Variants in FCHO1 observed in about 807,000 individuals in gnomAD.
The protein encoded by FCHO1 is F-BAR domain only protein 1.
A neutral mutation model predicts 114.4 loss-of-function variants in FCHO1; 45 were observed. The observed-to-expected ratio is 0.39, with a 90% CI of 0.31 to 0.50. FCHO1 has a LOEUF of 0.50. Ranked by LOEUF, FCHO1 falls within the 20% of genes least tolerant of loss-of-function variation. The pLI is 0.77. For synonymous variants in FCHO1, 480 were observed against 488.9 expected, an observed-to-expected ratio of 0.98 and a Z score of 0.24; for missense variants, 1,042 against 1,209.6, an observed-to-expected ratio of 0.86 and a Z score of 2.06.
At chr19:17,787,937 A>C in intron 28 of FCHO1, 91 bp downstream of exon 28, 1 of 1,450,458 alleles carries the variant, frequency 6.9e-7, no homozygotes, top group Non-Finnish European at 9.3e-7. Context: ...GGGTGTGGGG[A>C]TCCTTGGGAA....
chr19:17,784,629 G>GCGTGCAT lies in FCHO1; in HGVS notation c.2227-93_2227-87dup, dbSNP rs2093710680. The GCGTGCAT allele has an allele frequency of 8.5e-7, 1 of 1,172,110 alleles. No homozygotes were observed. Among genetic ancestry groups the GCGTGCAT allele is most frequent in the Non-Finnish European group, 1.3e-6 (1 of 786,942 alleles). The allele number at this position is 1,172,110 out of a possible 1,614,324, so 72.6% of individuals were successfully genotyped here. A position where few individuals can be genotyped will look rare whatever the true frequency, so the allele number is the denominator to read the frequency against. On this transcript the variant is annotated intron_variant, in intron 25 of 28. Coordinates refer to ENST00000596536, the MANE Select transcript of FCHO1 (RefSeq NM_015122.3). This position sits in a 1 kb window ranked among gnomAD's most constrained non-coding sequence, Gnocchi z 5.3. Reference sequence around the variant, plus strand: ...TGTGACTGGACCCCCTTGGGGCGGTGCGTGCATCGCAGGGTCAAGGTGGTT... The same window carrying GCGTGCAT: ...TGTGACTGGACCCCCTTGGGGCGGTGCGTGCATCGTGCATCGCAGGGTCAAGGTGGTT...
Position 17,770,783 on chromosome 19 carries a change from G to A in FCHO1, c.490-9G>A, listed in dbSNP as rs766733403. On this transcript the variant is annotated splice_polypyrimidine_tract_variant and intron_variant, in intron 8 of 28. Coordinates refer to ENST00000596536, the MANE Select transcript of FCHO1 (RefSeq NM_015122.3). ...CCTCCCATCCCCGTTTCCTCCCTGT[G>A]CTTTGTAGGCGGAGACTAAAACCAA... The A allele has an allele frequency of 6.2e-7, 1 of 1,613,958 alleles. No homozygotes were observed.
At position 17,755,183 on chromosome 19, in the gene FCHO1, C is replaced by G. The variant is rs1213387217; in HGVS notation, c.19C>G (p.His7Asp). Residue 7 changes from histidine to aspartate, a missense_variant, in exon 4 of 29, where the codon CAT becomes GAT. Coordinates refer to ENST00000596536, the MANE Select transcript of FCHO1 (RefSeq NM_015122.3). MSYFGE[H>D]FWGEKNHGFE... The stretch of plus-strand genomic sequence containing the variant: ...CATCAGGATGTCGTATTTTGGGGAG[C>G]ATTTTTGGGTAAGACCCACTCTTAT... 1 of 1,609,980 alleles carries G rather than the reference C, an allele frequency of 6.2e-7. No individual in the cohort carries two copies. The highest frequency in any genetic ancestry group is 1.7e-5 in the Admixed American group (1 of 59,110).
chr19:17,757,459 C>T (rs1251757261), intron 4 of FCHO1, among the ~76,000 whole-genome samples: 1 of 152,166 alleles, frequency 6.6e-6, no homozygotes, highest in Non-Finnish European at 1.5e-5. Context: ...GTGCCAGCCT[C>T]ATCCCAGCAA....
chr19:17,782,264 G>A (rs932270933), intron 23 of FCHO1, among the ~76,000 whole-genome samples: 5 of 151,968 alleles, frequency 3.3e-5, no homozygotes, highest in Admixed American at 1.3e-4. Flanking sequence ...GTGTAGTGGC[G>A]TGATCTCAGT....
intron 6 of FCHO1, among the ~76,000 whole-genome samples, chr19:17,765,774 C>T (rs1412180279): frequency 2.0e-5 from 3 of 151,314 alleles, no homozygotes; most frequent in African/African-American, 4.9e-5. Flanking sequence ...GTGGGGCAGG[C>T]AGAAGTGGAG....
intron 26 of FCHO1, among the ~76,000 whole-genome samples, chr19:17,786,283 A>G (rs2093881861): frequency 6.6e-6 from 1 of 152,170 alleles, no homozygotes; most frequent in South Asian, 2.1e-4. Flanking sequence ...CAGTGAGCAG[A>G]GATCGCACCA....
chr19:17,755,080 G>C (rs1650445885), intron 3 of FCHO1, 38 bp from the exon 4 acceptor site: 11 of 1,333,194 alleles, frequency 8.3e-6, no homozygotes, highest in Non-Finnish European at 1.1e-5. Context: ...GCCCACACTG[G>C]CAATGACTCT....
At chr19:17,770,236 G>A (rs1273676419) in intron 7 of FCHO1, among the ~76,000 whole-genome samples, 189 bp from the exon 8 acceptor site, 2 of 152,188 alleles carry the variant, frequency 1.3e-5, no homozygotes, top group Admixed American at 6.5e-5. Context: ...GGGAGGCAGA[G>A]ATTGCAGTGA....
chr19:17,773,261 T>C (rs2092020402), intron 11 of FCHO1, among the ~76,000 whole-genome samples: 1 of 152,216 alleles, frequency 6.6e-6, no homozygotes, highest in Admixed American at 6.5e-5. Context: ...TGCTTTGACT[T>C]CTCTGAGCCT....
intron 4 of FCHO1, 158 bp from the exon 5 acceptor site, chr19:17,762,604 C>A: frequency 1.4e-6 from 1 of 698,040 alleles, no homozygotes. Context: ...TAGACAATCC[C>A]TATGGCCCAG....
upstream of FCHO1, among the ~76,000 whole-genome samples, chr19:17,749,047 C>G (rs959195295): frequency 1.3e-5 from 2 of 152,160 alleles, no homozygotes; most frequent in African/African-American, 4.8e-5. Flanking sequence ...TAGGACCAAG[C>G]TGCAATGGCT....
intron 24 of FCHO1, among the ~76,000 whole-genome samples, chr19:17,783,583 A>G (rs1347323768): frequency 3.4e-5 from 4 of 119,152 alleles, no homozygotes; most frequent in South Asian, 2.6e-4. Context: ...TTTTTTTTTT[A>G]ATTATTATTT....
At chr19:17,756,879 C>G (rs1040417011) in intron 4 of FCHO1, among the ~76,000 whole-genome samples, 2 of 152,064 alleles carry the variant, frequency 1.3e-5, no homozygotes, top group Non-Finnish European at 2.9e-5. Flanking sequence ...GGGACATAAA[C>G]AAGCTCTGTT....
intron 6 of FCHO1, 32 bp from the exon 7 acceptor site, chr19:17,766,637 T>A (rs918272926): frequency 1.2e-6 from 2 of 1,613,126 alleles, no homozygotes; most frequent in Non-Finnish European, 1.7e-6. Flanking sequence ...GTGAGCCTGA[T>A]GAACCCTGGG....
At position 17,775,573 on chromosome 19, in the gene FCHO1, A is replaced by G; in HGVS notation, c.1003+60A>G. 1 of 1,458,660 alleles carries G rather than the reference A, an allele frequency of 6.9e-7. No homozygotes were observed. Among genetic ancestry groups the G allele is most frequent in the South Asian group, 1.1e-5 (1 of 87,942 alleles). The allele number at this position is 1,458,660 out of a possible 1,614,324, so 90.4% of individuals were successfully genotyped here. A position where few individuals can be genotyped will look rare whatever the true frequency, so the allele number is the denominator to read the frequency against. On this transcript the variant is annotated intron_variant, in intron 15 of 28. Transcript: ENST00000596536. This position sits in a 1 kb window ranked among gnomAD's most constrained non-coding sequence, Gnocchi z 5.1. ...GCACAGCAAGGACAAAATTCTCCGT[A>G]ATAACCAGTCCACCTTCAGCAGTCC...
chr19:17,770,620 C>G (rs556530863), intron 8 of FCHO1, 43 bp downstream of exon 8: 1 of 1,591,896 alleles, frequency 6.3e-7, no homozygotes, highest in South Asian at 1.1e-5. Context: ...TGCCGCGGGG[C>G]GGAGGGGCTG....
At chr19:17,761,633 C>CATATAT (rs55848959) in intron 4 of FCHO1, among the ~76,000 whole-genome samples, 8,747 of 142,520 alleles carry the variant, frequency 0.061, 351 homozygotes, top group African/African-American at 0.1. Context: ...CATGTATATA[C>CATATAT]ATATATATAT....
intron 6 of FCHO1, among the ~76,000 whole-genome samples, chr19:17,765,028 C>T (rs1021548895): frequency 1.4e-5 from 2 of 145,698 alleles, no homozygotes; most frequent in African/African-American, 2.6e-5. Context: ...TGTGCCACTG[C>T]ACTCCAGCCT....
Sources: gnomAD v4.1 joint callset for allele counts (sites outside exome capture counted in the v4.1 genomes callset) on GRCh38, gnomAD v4.1.1 for gene constraint, Gnocchi (gnomAD v3.1) non-coding constraint, MANE v1.5 for transcripts, NCBI Gene and HGNC (gene_info 2026-07-23, HGNC 2026-07-21) for gene names.